The following ARHGAP10 variants were observed in gnomAD, a reference collection of about 807,000 sequenced individuals.
ARHGAP10 encodes Rho GTPase activating protein 10.
ARHGAP10 carries 87 observed loss-of-function variants against 108.6 expected under a neutral mutation model. That is an observed-to-expected ratio of 0.80 (90% CI 0.67 to 0.96). The LOEUF (loss-of-function observed/expected upper bound fraction) is 0.96, where lower values mean the gene tolerates loss of function less well. Ranked by LOEUF, ARHGAP10 falls within the 40% of genes least tolerant of loss-of-function variation. The pLI is 0.00. For missense variants in ARHGAP10, 939 were observed against 954.5 expected (o/e 0.98, Z 0.21); for synonymous variants, 347 against 341.1 (o/e 1.02, Z -0.19).
intron 1 of ARHGAP10, among the ~76,000 whole-genome samples, chr4:147,784,234 T>C (rs1167585095): frequency 9.0e-6 from 1 of 110,814 alleles, no homozygotes; most frequent in Non-Finnish European, 1.7e-5. Context: ...TTGTGTATTA[T>C]ATAATTTACA....
chr4:147,979,661 C>T (rs1739738018), intron 18 of ARHGAP10, among the ~76,000 whole-genome samples: 1 of 152,252 alleles, frequency 6.6e-6, no homozygotes, highest in African/African-American at 2.4e-5. Flanking sequence ...TCTTCCAACC[C>T]ATGAGCATGG....
chr4:148,072,236 G>T lies in ARHGAP10; in HGVS notation c.*155G>T, dbSNP rs1730217047. 2.0e-6 allele frequency: 1 copy of T among 490,362 alleles called. No individual in the cohort carries two copies. The highest frequency in any genetic ancestry group is 3.6e-6 in the Non-Finnish European group (1 of 277,988). 30.4% of individuals were successfully genotyped at this position (490,362 alleles called of 1,614,324 possible). ...CAGTCAGCCCTGGGGGTGGGGGGTG[G>T]TGGGCAGGGATGGGACGCACCACAC... is the stretch of plus-strand genomic sequence containing the variant. On this transcript the variant is annotated 3_prime_UTR_variant, in exon 23 of 23. Coordinates refer to ENST00000336498, the MANE Select transcript of ARHGAP10 (RefSeq NM_024605.4).
chr4:147,736,579 C>T (rs928488311), intron 1 of ARHGAP10, among the ~76,000 whole-genome samples: 1 of 152,090 alleles, frequency 6.6e-6, no homozygotes, highest in South Asian at 2.1e-4. Flanking sequence ...TGTGTAGACA[C>T]TACTGCTGGT....
At position 147,881,847 on chromosome 4, in the gene ARHGAP10, G is replaced by C; in HGVS notation, c.949G>C (p.Glu317Gln). 6.2e-7 allele frequency: 1 copy of C among 1,613,984 alleles called. No individual in the cohort carries two copies. Among genetic ancestry groups the C allele is most frequent in the Non-Finnish European group, 8.5e-7 (1 of 1,179,960 alleles). The change falls in exon 10 of 23, where the codon GAG (glutamate) becomes CAG (glutamine). Residue 317 changes from glutamate to glutamine, a missense_variant. By Grantham distance (29) the Glu-to-Gln change is conservative. Coordinates refer to ENST00000336498, the MANE Select transcript of ARHGAP10 (RefSeq NM_024605.4). ...AAATGATTATTTGCAGGGGGACGGA[G>C]AGGTGTTCTTTTTGAAAGAATGTAC... is the stretch of plus-strand genomic sequence containing the variant. Reference protein sequence around the residue: ...HRSGGKLGDGEVFFLKECTKR... With the variant: ...HRSGGKLGDGQVFFLKECTKR...
chr4:147,790,659 C>T (rs1731081140), intron 1 of ARHGAP10, among the ~76,000 whole-genome samples: 1 of 152,208 alleles, frequency 6.6e-6, no homozygotes, highest in Admixed American at 6.5e-5. Flanking sequence ...AAAACCTGAG[C>T]TAGAGTAGCC....
intron 13 of ARHGAP10, among the ~76,000 whole-genome samples, chr4:147,919,165 T>C (rs1219152461): frequency 1.3e-5 from 2 of 152,240 alleles, no homozygotes; most frequent in South Asian, 2.1e-4. Context: ...TAAACTGTAC[T>C]ATCGTTCTCA....
At chr4:147,829,440 C>T (rs1422256354) in intron 3 of ARHGAP10, among the ~76,000 whole-genome samples, 2 of 151,878 alleles carry the variant, frequency 1.3e-5, no homozygotes, top group Non-Finnish European at 1.5e-5. Flanking sequence ...CCACCCGCCT[C>T]GATCTCTGAA....
chr4:147,847,826 G>A (rs17023995), intron 4 of ARHGAP10, among the ~76,000 whole-genome samples: 19,554 of 152,148 alleles, frequency 0.13, 1,339 homozygotes, highest in African/African-American at 0.19. Flanking sequence ...CAGGAATAAT[G>A]CAGTGGTTTT....
intron 18 of ARHGAP10, among the ~76,000 whole-genome samples, chr4:147,980,216 T>C (rs61085580): frequency 0.045 from 6,879 of 152,276 alleles, 167 homozygotes; most frequent in South Asian, 0.057. Context: ...TTTCAATGCC[T>C]AGTTTGTTGG....
At chr4:148,064,123 T>C (rs1729750450) in intron 21 of ARHGAP10, among the ~76,000 whole-genome samples, 1 of 152,320 alleles carries the variant, frequency 6.6e-6, no homozygotes, top group Middle Eastern at 3.4e-3. Flanking sequence ...CTAACAGTGC[T>C]GAATGGTAGG....
At chr4:148,061,408 G>A (rs6853741) in intron 20 of ARHGAP10, among the ~76,000 whole-genome samples, 103,716 of 151,898 alleles carry the variant, frequency 0.68, 36,247 homozygotes, top group East Asian at 0.84. Context: ...CTTCACTCAC[G>A]CCTACCTGTC....
chr4:147,842,745 G>A (rs1171029264), intron 3 of ARHGAP10, among the ~76,000 whole-genome samples: 1 of 152,108 alleles, frequency 6.6e-6, no homozygotes, highest in African/African-American at 2.4e-5. Context: ...GAAGCTCTGC[G>A]CAGCTTGCCA....
In ARHGAP10 at chr4:147,959,006, GT is replaced by G. The variant is rs367849718; in HGVS notation, c.1450+3643del. On this transcript the variant is annotated intron_variant, in intron 16 of 22. Coordinates refer to ENST00000336498, the MANE Select transcript of ARHGAP10 (RefSeq NM_024605.4). ...GTATTATGATTAATTTAGTATCCTAGTTTTTTTTTTTAAGGTAGGCTGTTCA... is the reference window on the plus strand; with the variant it reads ...GTATTATGATTAATTTAGTATCCTAGTTTTTTTTTTAAGGTAGGCTGTTCA... Among the ~76,000 whole-genome samples, 1,204 of 146,438 alleles carry G rather than the reference GT, an allele frequency of 8.2e-3. 14 individuals are homozygous for G. The highest frequency in any genetic ancestry group is 0.05 in the South Asian group (232 of 4,660).
chr4:147,847,229 G>A lies in ARHGAP10; in HGVS notation c.384+7G>A. ...GCAACTTGGAGCTGTAAAGGTTTGT[G>A]TCTAATTTGAATACACTCAGAAAAC... On this transcript the variant is annotated splice_region_variant and intron_variant, in intron 4 of 22. Transcript: ENST00000336498. The A allele has an allele frequency of 6.2e-7, 1 of 1,606,510 alleles. No individual in the cohort carries two copies. Among genetic ancestry groups the A allele is most frequent in the Admixed American group, 1.7e-5 (1 of 59,974 alleles).
intron 1 of ARHGAP10, among the ~76,000 whole-genome samples, chr4:147,768,299 A>C (rs1473844080): frequency 6.6e-6 from 1 of 152,204 alleles, no homozygotes; most frequent in South Asian, 2.1e-4. Context: ...TCATGGAGCT[A>C]TCTGAGGATG....
At chr4:147,972,606 C>T (rs1482519810) in intron 18 of ARHGAP10, among the ~76,000 whole-genome samples, 2 of 152,108 alleles carry the variant, frequency 1.3e-5, no homozygotes, top group Non-Finnish European at 2.9e-5. Context: ...AGAAGAAACC[C>T]AGGCAGGATC....
chr4:147,786,922 C>T (rs763668178), intron 1 of ARHGAP10, among the ~76,000 whole-genome samples: 2 of 152,240 alleles, frequency 1.3e-5, no homozygotes, highest in Non-Finnish European at 2.9e-5. Context: ...CAGGGTCACA[C>T]CTCTGACCTC....
intron 13 of ARHGAP10, among the ~76,000 whole-genome samples, chr4:147,918,801 T>A (rs1737102341): frequency 6.6e-6 from 1 of 152,208 alleles, no homozygotes; most frequent in South Asian, 2.1e-4. Flanking sequence ...GTACTGAGAA[T>A]CTAGTTCTGT....
At chr4:148,018,932 G>A (rs1397490873) in intron 18 of ARHGAP10, among the ~76,000 whole-genome samples, 1 of 152,178 alleles carries the variant, frequency 6.6e-6, no homozygotes, top group Non-Finnish European at 1.5e-5. Flanking sequence ...TACCTCAAAG[G>A]CTGTTGAGAT....
Sources: allele counts gnomAD v4.1 joint callset (sites outside exome capture counted in the v4.1 genomes callset), GRCh38; gene constraint gnomAD v4.1.1; transcripts MANE v1.5; gene names NCBI Gene and HGNC (gene_info 2026-07-23, HGNC 2026-07-21).